FANCI: variants seen among roughly 807,000 people sequenced by gnomAD.
FANCI encodes the protein FA complementation group I.
FANCI carries 156 observed loss-of-function variants against 176.1 expected under a neutral mutation model. That is an observed-to-expected ratio of 0.89 (90% CI 0.78 to 1.01). The LOEUF is 1.01. Among genes scored for constraint, FANCI ranks in the 50% least tolerant of loss-of-function variants. FANCI has a pLI of 0.00. For missense variants in FANCI, 1,678 were observed against 1,534.1 expected (o/e 1.09, Z -1.57); for synonymous variants, 613 against 541.7 (o/e 1.13, Z -1.83).
intron 34 of FANCI, among the ~76,000 whole-genome samples, chr15:89,311,210 G>A (rs1261020611): frequency 6.6e-6 from 1 of 151,756 alleles, no homozygotes; most frequent in Non-Finnish European, 1.5e-5. Context: ...AGTGAGATGA[G>A]ATCACACCAC....
chr15:89,260,077 T>C (rs1013156436), intron 3 of FANCI, among the ~76,000 whole-genome samples: 4 of 152,198 alleles, frequency 2.6e-5, no homozygotes, highest in East Asian at 1.9e-4. Flanking sequence ...GTGGCTGGAT[T>C]AGGATGCCAA....
At chr15:89,302,809 G>A (rs961949419) in intron 27 of FANCI, among the ~76,000 whole-genome samples, 21 of 152,084 alleles carry the variant, frequency 1.4e-4, no homozygotes, top group African/African-American at 4.8e-4. Context: ...TCCTGACCTC[G>A]TGATTCACCC....
At chr15:89,293,782 C>G (rs779185576) in intron 22 of FANCI, 51 bp from the exon 23 acceptor site, 1 of 1,552,530 alleles carries the variant, frequency 6.4e-7, no homozygotes. Flanking sequence ...TAAAAGTAAA[C>G]CACAATATTC....
chr15:89,293,586 G>T (rs2054145792), intron 22 of FANCI, among the ~76,000 whole-genome samples: 1 of 152,176 alleles, frequency 6.6e-6, no homozygotes, highest in Non-Finnish European at 1.5e-5. Context: ...TACTCGGGAG[G>T]CTGAGGCAGG....
intron 2 of FANCI, among the ~76,000 whole-genome samples, chr15:89,251,596 G>A (rs1360556549): frequency 1.3e-5 from 2 of 152,098 alleles, no homozygotes; most frequent in Non-Finnish European, 2.9e-5. Context: ...TACGAATATT[G>A]ATATAAAAGT....
chr15:89,251,059 C>A (rs1246368552), intron 2 of FANCI, among the ~76,000 whole-genome samples: 3 of 151,614 alleles, frequency 2.0e-5, no homozygotes. Flanking sequence ...GAAAAAAACA[C>A]CATTAATTAA....
At chr15:89,309,442 T>C (rs2054866519) in intron 34 of FANCI, among the ~76,000 whole-genome samples, 1 of 152,072 alleles carries the variant, frequency 6.6e-6, no homozygotes. Context: ...AGATTCGTGG[T>C]GTCCATTTGC....
At chr15:89,295,527 A>G (rs760558895) in intron 24 of FANCI, among the ~76,000 whole-genome samples, 6 of 152,026 alleles carry the variant, frequency 3.9e-5, no homozygotes, top group Non-Finnish European at 8.8e-5. Context: ...TTAGCCTGGC[A>G]TGGTGGCACA....
At chr15:89,246,878 G>C (rs1490956373) in intron 1 of FANCI, among the ~76,000 whole-genome samples, 5 of 145,514 alleles carry the variant, frequency 3.4e-5, no homozygotes, top group African/African-American at 5.1e-5. Context: ...CCATTCTCCT[G>C]CCTCAGCCTC....
chr15:89,283,271 C>A, intron 17 of FANCI, 21 bp downstream of exon 17: 1 of 1,613,656 alleles, frequency 6.2e-7, no homozygotes, highest in Non-Finnish European at 8.5e-7. Flanking sequence ...TTTACGTTAA[C>A]TTGCAGTGTG....
chr15:89,248,625 A>G (rs1209204085), intron 2 of FANCI, among the ~76,000 whole-genome samples: 1 of 152,158 alleles, frequency 6.6e-6, no homozygotes, highest in African/African-American at 2.4e-5. Flanking sequence ...ACAAGATTTG[A>G]TTGAAACTAG....
At position 89,301,346 on chromosome 15, in the gene FANCI, T is replaced by A; in HGVS notation, c.2910T>A (p.Leu970=). The change falls in exon 27 of 38, where the codon CTT becomes CTA. Residue 970 remains leucine (L), a synonymous_variant. Coordinates refer to ENST00000310775, the MANE Select transcript of FANCI (RefSeq NM_001113378.2). The stretch of plus-strand genomic sequence containing the variant: ...CTCAGAGGTCCTTGTTGAATTTACT[T>A]AGCAGTCAAGAGGAAGATTTTAATA... ...RQFQRSLLNL[L]SSQEEDFNSK... is the part of the protein sequence containing the mutation. 1 of 1,613,834 alleles carries A rather than the reference T, an allele frequency of 6.2e-7. No homozygotes were observed. Among genetic ancestry groups the A allele is most frequent in the South Asian group, 1.1e-5 (1 of 91,070 alleles).
rs2054677546 is a variant in FANCI at position 89,305,358 on chromosome 15, A to T, written c.3204A>T (p.Lys1068Asn). 6.2e-7 allele frequency: 1 copy of T among 1,614,102 alleles called. No individual in the cohort carries two copies. The highest frequency in any genetic ancestry group is 8.5e-7 in the Non-Finnish European group (1 of 1,180,032). ...GDIDQDVEVEKTNHFAIVNLR... is the reference protein window; with the variant it reads ...GDIDQDVEVENTNHFAIVNLR... The stretch of plus-strand genomic sequence containing the variant: ...TTCCCCAGGATGTAGAGGTGGAGAA[A>T]ACAAACCACTTTGCAATAGTGAATT... Residue 1068 changes from lysine to asparagine, a missense_variant, in exon 30 of 38, where the codon AAA (lysine) becomes AAT (asparagine). Lys to Asn is a moderately conservative substitution (Grantham distance 94, BLOSUM62 0). This residue lies in a region of FANCI where 1,204 missense variants were observed against 1,077.4 expected (regional missense o/e 1.12). Coordinates refer to ENST00000310775, the MANE Select transcript of FANCI (RefSeq NM_001113378.2).
At chr15:89,290,123 G>A (rs1441041837) in intron 18 of FANCI, 90 bp from the exon 19 acceptor site, 2 of 1,045,794 alleles carry the variant, frequency 1.9e-6, no homozygotes, top group Non-Finnish European at 3.0e-6. Context: ...CTGAGAAGAG[G>A]ATAAAGAAAG....
At chr15:89,283,424 C>T (rs993434067) in intron 17 of FANCI, among the ~76,000 whole-genome samples, 174 bp downstream of exon 17, 4 of 152,142 alleles carry the variant, frequency 2.6e-5, no homozygotes, top group Non-Finnish European at 4.4e-5. Flanking sequence ...GGCTAACACT[C>T]ATTAATGGCA....
chr15:89,274,577 C>G (rs1390108526), intron 12 of FANCI, among the ~76,000 whole-genome samples: 1 of 124,604 alleles, frequency 8.0e-6, no homozygotes, highest in African/African-American at 2.9e-5. Flanking sequence ...TTACAATTCT[C>G]TATTTTCCTT....
At chr15:89,247,766 A>G (rs2052052887) in intron 2 of FANCI, 35 bp downstream of exon 2, 3 of 1,575,604 alleles carry the variant, frequency 1.9e-6, no homozygotes, top group African/African-American at 1.3e-5. Flanking sequence ...CTAAAAGTAA[A>G]TGTCAGGCAT....
At chr15:89,264,092 T>G in intron 8 of FANCI, 66 bp downstream of exon 8, 4 of 1,582,574 alleles carry the variant, frequency 2.5e-6, no homozygotes, top group Non-Finnish European at 3.5e-6. Flanking sequence ...TTCAACTTAT[T>G]CATACCCTTG....
At chr15:89,257,056 G>A (rs550323661) in intron 2 of FANCI, among the ~76,000 whole-genome samples, 2 of 152,098 alleles carry the variant, frequency 1.3e-5, no homozygotes, top group African/African-American at 2.4e-5. Flanking sequence ...ACAGGTGCCC[G>A]CCACCACGCC....
Sources: gnomAD v4.1 joint callset for allele counts (sites outside exome capture counted in the v4.1 genomes callset) on GRCh38, gnomAD v4.1.1 for gene constraint, gnomAD v4.1.1 regional missense constraint, MANE v1.5 for transcripts, NCBI Gene and HGNC (gene_info 2026-07-23, HGNC 2026-07-21) for gene names.